Variants in TMEM272 observed in about 807,000 individuals in gnomAD.
TMEM272 encodes transmembrane protein 272.
In TMEM272, 8 loss-of-function variants were observed where a neutral mutation model predicts 3.7. The observed-to-expected ratio is 2.17, with a 90% CI of 1.27 to 3.91. The LOEUF is 3.91. Among genes scored for constraint, TMEM272 ranks in the 30% most tolerant of loss-of-function variants. TMEM272 has a pLI of 0.00. For missense variants in TMEM272, 166 were observed against 91.5 expected, an observed-to-expected ratio of 1.81 and a Z score of -3.32; for synonymous variants, 63 against 39.8, an observed-to-expected ratio of 1.58 and a Z score of -2.20.
intron 2 of TMEM272, among the ~76,000 whole-genome samples, chr13:51,832,252 C>T (rs1276023715): frequency 2.0e-5 from 3 of 152,064 alleles, no homozygotes; most frequent in Non-Finnish European, 2.9e-5. Context: ...CGCTGCCATC[C>T]GGTTATCAGT....
At chr13:51,918,803 C>CTTTTTTTTTTTTTTTTTTT in the TMEM272 span, among the ~76,000 whole-genome samples, 1 of 81,044 alleles carries the variant, frequency 1.2e-5, no homozygotes, top group Non-Finnish European at 2.3e-5. Flanking sequence ...TTTTGAAATT[C>CTTTTTTTTTTTTTTTTTTT]TTTTTTTTTT....
the TMEM272 span, among the ~76,000 whole-genome samples, chr13:51,931,469 TCA>T: frequency 6.7e-6 from 1 of 149,216 alleles, no homozygotes; most frequent in African/African-American, 2.5e-5. Context: ...GAGGGGAACA[TCA>T]CACACTGGGG....
chr13:51,856,697 T>C, the TMEM272 span, among the ~76,000 whole-genome samples: 1 of 152,064 alleles, frequency 6.6e-6, no homozygotes, highest in South Asian at 2.1e-4. Context: ...GTAAAGCACA[T>C]CTGGTCACAT....
rs2139534406 is a variant in TMEM272, at chr13:51,813,520, C to CA, written c.*3230dup. ...TGACATTATATTGTCCTCATGGTGACAACCAGGATGGGCCTGACATAAGCC... is the reference window on the plus strand; with the variant it reads ...TGACATTATATTGTCCTCATGGTGACAAACCAGGATGGGCCTGACATAAGCC... On this transcript the variant is annotated 3_prime_UTR_variant, in exon 5 of 5. Coordinates refer to ENST00000629372, the MANE Select transcript of TMEM272 (RefSeq NM_001351003.2). 2.8e-6 allele frequency: 1 copy of CA among 352,770 alleles called. No individual in the cohort carries two copies. Among genetic ancestry groups the CA allele is most frequent in the Non-Finnish European group, 5.1e-6 (1 of 197,858 alleles). The allele number at this position is 352,770 out of a possible 1,614,324, so 21.9% of individuals were successfully genotyped here.
chr13:51,861,115 T>G, the TMEM272 span, among the ~76,000 whole-genome samples: 3 of 152,106 alleles, frequency 2.0e-5, no homozygotes, highest in African/African-American at 7.2e-5. Context: ...ACAACTTCAC[T>G]TATATGTAGA....
At chr13:51,895,863 TA>T in the TMEM272 span, among the ~76,000 whole-genome samples, 5 of 152,156 alleles carry the variant, frequency 3.3e-5, no homozygotes, top group African/African-American at 1.2e-4. Context: ...CAGATTCCAA[TA>T]CACAACCCCT....
chr13:51,869,412 G>A, the TMEM272 span, among the ~76,000 whole-genome samples: 1 of 151,934 alleles, frequency 6.6e-6, no homozygotes, highest in South Asian at 2.1e-4. Context: ...CTCCACCCTT[G>A]TCCCTAAATT....
the TMEM272 span, among the ~76,000 whole-genome samples, chr13:51,927,682 T>C: frequency 7.2e-5 from 11 of 152,272 alleles, no homozygotes; most frequent in African/African-American, 2.4e-4. Flanking sequence ...TGCACCAGCA[T>C]CATTCAGGCG....
chr13:51,910,709 G>T, the TMEM272 span: 1 of 396,382 alleles, frequency 2.5e-6, no homozygotes. Flanking sequence ...CCTTCTGTTC[G>T]GAACTCAAAT....
intron 2 of TMEM272, among the ~76,000 whole-genome samples, chr13:51,834,200 G>A (rs898526325): frequency 1.3e-5 from 2 of 152,168 alleles, no homozygotes; most frequent in African/African-American, 4.8e-5. Flanking sequence ...CTTGGAAGAG[G>A]GGCGCACTTT....
chr13:51,882,242 AATT>A, the TMEM272 span, among the ~76,000 whole-genome samples: 1 of 152,200 alleles, frequency 6.6e-6, no homozygotes, highest in East Asian at 1.9e-4. Flanking sequence ...TGTTTTCAAT[AATT>A]AATATATACA....
chr13:51,911,042 C>G, the TMEM272 span, among the ~76,000 whole-genome samples: 1 of 152,136 alleles, frequency 6.6e-6, no homozygotes, highest in Non-Finnish European at 1.5e-5. Context: ...TGTTTTAAGT[C>G]GCTAAGCTTT....
chr13:51,901,579 A>G, the TMEM272 span, among the ~76,000 whole-genome samples: 1 of 152,146 alleles, frequency 6.6e-6, no homozygotes, highest in South Asian at 2.1e-4. Flanking sequence ...GGTCAATGGC[A>G]TTACTAACTA....
At chr13:51,824,281 ATT>A (rs539410981) in intron 3 of TMEM272, among the ~76,000 whole-genome samples, 103 of 152,330 alleles carry the variant, frequency 6.8e-4, no homozygotes, top group African/African-American at 2.3e-3. Context: ...TATCACGATT[ATT>A]CTTTTTGGTT....
At chr13:51,880,211 A>G in the TMEM272 span, among the ~76,000 whole-genome samples, 2 of 151,784 alleles carry the variant, frequency 1.3e-5, no homozygotes, top group East Asian at 1.9e-4. Flanking sequence ...TTTGGAAAGT[A>G]GTAGGTGGCT....
the TMEM272 span, among the ~76,000 whole-genome samples, chr13:51,852,703 C>G: frequency 4.0e-3 from 616 of 152,150 alleles, 4 homozygotes; most frequent in African/African-American, 0.014. Context: ...CATGGTGTAA[C>G]CCCGTCTCTA....
chr13:51,883,112 GC>G, the TMEM272 span, among the ~76,000 whole-genome samples: 3 of 152,344 alleles, frequency 2.0e-5, no homozygotes, highest in Non-Finnish European at 4.4e-5. Flanking sequence ...GGGTGTTACA[GC>G]TCTTGCCCAG....
the TMEM272 span, chr13:51,865,273 C>G: frequency 2.2e-6 from 2 of 891,870 alleles, no homozygotes; most frequent in Admixed American, 2.7e-5. Flanking sequence ...AGTACAGAAC[C>G]AAGGGCCGTC....
the TMEM272 span, among the ~76,000 whole-genome samples, chr13:51,892,793 G>T: frequency 6.6e-6 from 1 of 152,086 alleles, no homozygotes. Flanking sequence ...GGGTCTGGTG[G>T]CTCAGTCCCC....
Sources: allele counts gnomAD v4.1 joint callset (sites outside exome capture counted in the v4.1 genomes callset), GRCh38; gene constraint gnomAD v4.1.1; transcripts MANE v1.5; gene names NCBI Gene and HGNC (gene_info 2026-07-23, HGNC 2026-07-21).